CNOT6L: variants seen among roughly 807,000 people sequenced by gnomAD.
The protein encoded by CNOT6L is CCR4-NOT transcription complex subunit 6 like.
Under a neutral mutation model 64.0 loss-of-function variants are expected in CNOT6L, and 7 were observed. That is an observed-to-expected ratio of 0.11 (90% CI 0.06 to 0.21). The LOEUF is 0.21. Among genes scored for constraint, CNOT6L ranks in the 10% least tolerant of loss-of-function variants. The pLI is 1.00. For synonymous variants in CNOT6L, 193 were observed against 243.4 expected (o/e 0.79, Z 1.93); for missense variants, 245 against 669.0 (o/e 0.37, Z 6.99).
At chr4:77,787,503 A>G (rs939002794) in intron 1 of CNOT6L, among the ~76,000 whole-genome samples, 8 of 152,216 alleles carry the variant, frequency 5.3e-5, no homozygotes, top group African/African-American at 9.6e-5. Flanking sequence ...ATAAAAGCAA[A>G]CTATAGCATG....
intron 1 of CNOT6L, among the ~76,000 whole-genome samples, chr4:77,804,311 C>T (rs912932549): frequency 2.6e-5 from 4 of 151,846 alleles, no homozygotes; most frequent in Admixed American, 2.0e-4. Flanking sequence ...CTCCTGTAAT[C>T]CCAGCTACTC....
chr4:77,782,693 T>A (rs1389722431), intron 1 of CNOT6L, among the ~76,000 whole-genome samples: 1 of 150,394 alleles, frequency 6.6e-6, no homozygotes, highest in East Asian at 2.0e-4. Context: ...TTGCCCAGCC[T>A]GGCCTCAAAC....
At chr4:77,743,968 T>A (rs998689010) in intron 7 of CNOT6L, among the ~76,000 whole-genome samples, 3 of 152,204 alleles carry the variant, frequency 2.0e-5, no homozygotes, top group African/African-American at 7.2e-5. Context: ...AATATGTTAA[T>A]TAGCCTCATT....
chr4:77,736,045 C>G (rs1219382870), intron 8 of CNOT6L, among the ~76,000 whole-genome samples: 2 of 152,262 alleles, frequency 1.3e-5, no homozygotes, highest in East Asian at 3.9e-4. Flanking sequence ...ACTTTTAAAA[C>G]TTCTCAATCT....
In CNOT6L at chr4:77,718,036, ATT is replaced by A. The variant is rs11377990; in HGVS notation, c.*2393_*2394del. 3 of 151,232 alleles carry A rather than the reference ATT, an allele frequency of 2.0e-5. No individual in the cohort carries two copies. The highest frequency in any genetic ancestry group is 1.9e-4 in the East Asian group (1 of 5,170). 9.4% of individuals were successfully genotyped at this position (151,232 alleles called of 1,614,324 possible). The stretch of plus-strand genomic sequence containing the variant: ...ACTTAAGCTGTTTACAATGTTTCCC[ATT>A]TTTTTTTATTTTTTCCCTCTACATT... On this transcript the variant is annotated 3_prime_UTR_variant, in exon 12 of 12. Transcript: ENST00000504123.
intron 1 of CNOT6L, among the ~76,000 whole-genome samples, chr4:77,801,161 C>T (rs4859879): frequency 0.24 from 35,971 of 152,018 alleles, 5,195 homozygotes; most frequent in East Asian, 0.47. Flanking sequence ...GATACTCTGA[C>T]CCTACGTGAA....
At chr4:77,797,656 T>G (rs1731024298) in intron 1 of CNOT6L, among the ~76,000 whole-genome samples, 3 of 152,222 alleles carry the variant, frequency 2.0e-5, no homozygotes. Context: ...ATGGTGAAAA[T>G]TCTCAATTTA....
chr4:77,727,921 G>A (rs1160792728), intron 10 of CNOT6L, among the ~76,000 whole-genome samples: 1 of 152,114 alleles, frequency 6.6e-6, no homozygotes, highest in East Asian at 1.9e-4. Context: ...AATATTCCAA[G>A]TGTAGGCATT....
intron 4 of CNOT6L, among the ~76,000 whole-genome samples, chr4:77,766,516 G>A (rs1726837354): frequency 1.4e-5 from 2 of 147,654 alleles, no homozygotes; most frequent in African/African-American, 2.5e-5. Context: ...ATTAAAATAA[G>A]AAAATTAAAT....
chr4:77,784,130 C>G (rs1159296609), intron 1 of CNOT6L, among the ~76,000 whole-genome samples: 1 of 152,052 alleles, frequency 6.6e-6, no homozygotes, highest in African/African-American at 2.4e-5. Context: ...GTCTAATCGT[C>G]AGTTACAGTA....
At position 77,785,702 on chromosome 4, in the gene CNOT6L, T is replaced by C. The variant is rs192985695; in HGVS notation, c.6-9310A>G. On this transcript the variant is annotated intron_variant, in intron 1 of 11. Transcript: ENST00000504123. Reference sequence around the variant, plus strand: ...AAATACTAAAAACCACAATGAGATATCGCTACACATTAGAAGGATTAAATT... The same window carrying C: ...AAATACTAAAAACCACAATGAGATACCGCTACACATTAGAAGGATTAAATT... Among the ~76,000 whole-genome samples the C allele has an allele frequency of 3.0e-3, 453 of 152,210 alleles. 7 individuals carry two copies. The highest frequency in any genetic ancestry group is 0.026 in the South Asian group (126 of 4,824).
In CNOT6L at chr4:77,744,836, T is replaced by A. The variant is rs569325880; in HGVS notation, c.599A>T (p.Lys200Ile). The A allele has an allele frequency of 1.2e-6, 2 of 1,613,502 alleles. No homozygotes were observed. The highest frequency in any genetic ancestry group is 2.2e-5 in the South Asian group (2 of 90,990). ...TVMCYNVLCD[K>I]YATRQLYGYC... ...GCCATATAGCTGCCGGGTAGCGTAT[T>A]TATCACATAACACATTGTAACACAT... Residue 200 changes from lysine (K) to isoleucine (I), a missense_variant, in exon 7 of 12, where the codon AAA becomes ATA. Lys to Ile is a moderately radical substitution (Grantham distance 102). Coordinates refer to ENST00000504123, the MANE Select transcript of CNOT6L (RefSeq NM_144571.3).
chr4:77,759,831 G>C (rs897172866), intron 4 of CNOT6L, among the ~76,000 whole-genome samples: 2 of 152,144 alleles, frequency 1.3e-5, no homozygotes, highest in East Asian at 3.9e-4. Flanking sequence ...TACTCCACTC[G>C]GAAACCAAAA....
chr4:77,739,120 ATACTC>A, intron 8 of CNOT6L, among the ~76,000 whole-genome samples: 2 of 152,340 alleles, frequency 1.3e-5, no homozygotes, highest in East Asian at 3.9e-4. Context: ...TTACTAAACA[ATACTC>A]TATCCTTTCA....
At chr4:77,750,840 A>C (rs1042866235) in intron 5 of CNOT6L, among the ~76,000 whole-genome samples, 5 of 152,360 alleles carry the variant, frequency 3.3e-5, no homozygotes, top group South Asian at 4.1e-4. Context: ...GACTGGCAGC[A>C]CTAGGCCTGA....
intron 7 of CNOT6L, among the ~76,000 whole-genome samples, chr4:77,744,178 T>C (rs932315126): frequency 3.9e-5 from 6 of 152,204 alleles, no homozygotes; most frequent in Admixed American, 3.9e-4. Flanking sequence ...AGAACACATT[T>C]CATGAAAAGA....
At chr4:77,789,945 CAAAAAAAAAAAAAAAAA>C (rs58242121) in intron 1 of CNOT6L, among the ~76,000 whole-genome samples, 4 of 83,304 alleles carry the variant, frequency 4.8e-5, no homozygotes, top group Admixed American at 1.4e-4. Flanking sequence ...GACACTGTCT[CAAAAAAAAAAAAAAAAA>C]AAAAAAAAAA....
At chr4:77,764,637 AG>A (rs1726603333) in intron 4 of CNOT6L, among the ~76,000 whole-genome samples, 1 of 152,178 alleles carries the variant, frequency 6.6e-6, no homozygotes. Context: ...AATACTGAAA[AG>A]ACCCCTGACC....
chr4:77,752,193 A>G (rs188019136), intron 5 of CNOT6L, among the ~76,000 whole-genome samples: 1 of 152,276 alleles, frequency 6.6e-6, no homozygotes, highest in Admixed American at 6.5e-5. Flanking sequence ...GGAATCAGTA[A>G]AGTAAATGTG....
Sources: allele counts gnomAD v4.1 joint callset (sites outside exome capture counted in the v4.1 genomes callset), GRCh38; gene constraint gnomAD v4.1.1; transcripts MANE v1.5; gene names NCBI Gene and HGNC (gene_info 2026-07-23, HGNC 2026-07-21).